ANKRD18A: variants seen among roughly 807,000 people sequenced by gnomAD.
ANKRD18A encodes ankyrin repeat domain 18A, also known as ankyrin repeat domain-containing protein 18A.
A neutral mutation model predicts 110.6 loss-of-function variants in ANKRD18A; 72 were observed. The ratio of observed to expected loss-of-function variants is 0.65; its 90% CI spans 0.54 to 0.79. The LOEUF is 0.79. Ranked by LOEUF, ANKRD18A falls within the 30% of genes least tolerant of loss-of-function variation. The pLI, the probability that ANKRD18A is intolerant of heterozygous loss-of-function variation, is 0.00. For synonymous variants in ANKRD18A, 305 were observed against 410.3 expected (o/e 0.74, Z 3.10); for missense variants, 934 against 1,163.3 (o/e 0.80, Z 2.87).
intron 8 of ANKRD18A, among the ~76,000 whole-genome samples, chr9:38,597,478 G>A (rs1824937368): frequency 6.6e-6 from 1 of 152,018 alleles, no homozygotes. Flanking sequence ...ACACAGTATA[G>A]CTGTCCACTC....
intron 5 of ANKRD18A, among the ~76,000 whole-genome samples, chr9:38,609,346 T>G (rs1825495754): frequency 6.6e-6 from 1 of 152,074 alleles, no homozygotes; most frequent in African/African-American, 2.4e-5. Context: ...CCAGGGATGG[T>G]GGCGGGCGCC....
chr9:38,616,248 T>C (rs927188542), intron 1 of ANKRD18A, among the ~76,000 whole-genome samples: 1 of 152,244 alleles, frequency 6.6e-6, no homozygotes, highest in Admixed American at 6.5e-5. Flanking sequence ...ATGAGCTTGG[T>C]GTTTGGATTC....
intron 7 of ANKRD18A, among the ~76,000 whole-genome samples, chr9:38,602,126 T>A (rs2118822068): frequency 6.6e-6 from 1 of 150,550 alleles, no homozygotes; most frequent in African/African-American, 2.4e-5. Context: ...TTTTCTAGTG[T>A]CACTTCACCA....
chr9:38,619,216 T>A (rs577736106), intron 1 of ANKRD18A, among the ~76,000 whole-genome samples: 1 of 152,302 alleles, frequency 6.6e-6, no homozygotes, highest in African/African-American at 2.4e-5. Context: ...TTTTCTCATT[T>A]TGCATGTGTA....
chr9:38,588,567 C>G lies in ANKRD18A; in HGVS notation c.2101G>C (p.Glu701Gln). Residue 701 changes from glutamate to glutamine, a missense_variant, in exon 11 of 16, where the codon GAA becomes CAA. Glu to Gln is a conservative substitution (Grantham distance 29). This residue lies in a region of ANKRD18A where 79 missense variants were observed against 122.8 expected (regional missense o/e 0.64). Transcript: ENST00000399703. Reference protein sequence around the residue: ...DQIRKKNRELEEEATGYKKCL... With the variant: ...DQIRKKNRELQEEATGYKKCL... ...AAACCATACCCAGTTGCCTCTTCTTCTAATTCACGATTTTTCTTTCTTATT... is the reference window on the plus strand; with the variant it reads ...AAACCATACCCAGTTGCCTCTTCTTGTAATTCACGATTTTTCTTTCTTATT... 1 of 1,369,750 alleles carries G rather than the reference C, an allele frequency of 7.3e-7. No homozygotes were observed. Among genetic ancestry groups the G allele is most frequent in the Non-Finnish European group, 9.5e-7 (1 of 1,052,630 alleles). 84.8% of individuals were successfully genotyped at this position (1,369,750 alleles called of 1,614,324 possible). A position where few individuals can be genotyped will look rare whatever the true frequency, so the allele number is the denominator to read the frequency against.
intron 10 of ANKRD18A, among the ~76,000 whole-genome samples, chr9:38,591,949 C>T (rs915402324): frequency 6.6e-6 from 1 of 152,200 alleles, no homozygotes; most frequent in Non-Finnish European, 1.5e-5. Context: ...CTCTGCTGAG[C>T]GCTCGGATTA....
intron 1 of ANKRD18A, 137 bp downstream of exon 1, chr9:38,619,943 A>G: frequency 9.0e-7 from 1 of 1,113,158 alleles, no homozygotes; most frequent in South Asian, 1.6e-5. Context: ...AGCGACGGAA[A>G]GCAGCTGAGG....
chr9:38,619,327 C>T (rs990692438), intron 1 of ANKRD18A, among the ~76,000 whole-genome samples: 1 of 152,066 alleles, frequency 6.6e-6, no homozygotes, highest in African/African-American at 2.4e-5. Context: ...TCATCTTTTC[C>T]TACTCATCTG....
chr9:38,579,216 AG>A (rs1224487630), intron 12 of ANKRD18A, among the ~76,000 whole-genome samples: 1 of 152,210 alleles, frequency 6.6e-6, no homozygotes, highest in Non-Finnish European at 1.5e-5. Flanking sequence ...CTGAAATGTA[AG>A]GCCCCAAATT....
chr9:38,617,542 A>G (rs111758417), intron 1 of ANKRD18A, among the ~76,000 whole-genome samples: 48 of 152,334 alleles, frequency 3.2e-4, no homozygotes, highest in African/African-American at 1.1e-3. Context: ...ACTTAGATTT[A>G]CAGAATATAT....
chr9:38,571,476 A>G lies in ANKRD18A; in HGVS notation c.*569T>C. On this transcript the variant is annotated 3_prime_UTR_variant, in exon 16 of 16. Transcript: ENST00000399703. ...CTTGTTCAAACACAAGTCATCCATG[A>G]AATGCTAAATCTAGTGGGTTTTGAG... 1.6e-6 allele frequency: 1 copy of G among 607,214 alleles called. No individual in the cohort carries two copies. Among genetic ancestry groups the G allele is most frequent in the Non-Finnish European group, 2.2e-6 (1 of 455,356 alleles). 37.6% of individuals were successfully genotyped at this position (607,214 alleles called of 1,614,324 possible).
chr9:38,617,446 A>T (rs1825904633), intron 1 of ANKRD18A, among the ~76,000 whole-genome samples: 2 of 151,922 alleles, frequency 1.3e-5, no homozygotes, highest in Admixed American at 1.3e-4. Context: ...TCGCAAAACG[A>T]AAAAACAAAC....
At chr9:38,594,444 T>C (rs946133377) in intron 9 of ANKRD18A, among the ~76,000 whole-genome samples, 15 of 152,282 alleles carry the variant, frequency 9.9e-5, no homozygotes, top group Admixed American at 9.8e-4. Flanking sequence ...ATCCAAATGA[T>C]AGTCATTGAG....
chr9:38,605,733 C>G (rs1361890959), intron 6 of ANKRD18A, among the ~76,000 whole-genome samples: 5 of 152,108 alleles, frequency 3.3e-5, no homozygotes, highest in Non-Finnish European at 7.3e-5. Context: ...TCTGCCTCAG[C>G]CTCCAGAGTA....
chr9:38,589,994 C>T (rs1340798830), intron 10 of ANKRD18A, among the ~76,000 whole-genome samples: 5 of 152,266 alleles, frequency 3.3e-5, no homozygotes, highest in African/African-American at 9.6e-5. Context: ...ACATTTGCTA[C>T]CTGGTGCAGA....
intron 12 of ANKRD18A, among the ~76,000 whole-genome samples, chr9:38,580,810 T>C (rs1479039744): frequency 2.0e-5 from 3 of 150,360 alleles, no homozygotes; most frequent in Non-Finnish European, 4.4e-5. Flanking sequence ...TCCTAATGAA[T>C]AGAATGCAGT....
chr9:38,596,497 A>C, intron 8 of ANKRD18A, 94 bp from the exon 9 acceptor site: 1 of 1,135,242 alleles, frequency 8.8e-7, no homozygotes, highest in South Asian at 2.6e-5. Flanking sequence ...ACATTCATGC[A>C]ATTAAAAGTT....
chr9:38,568,949 C>T (rs1445768387), downstream of ANKRD18A: 3 of 985,436 alleles, frequency 3.0e-6, no homozygotes, highest in East Asian at 3.4e-4. Flanking sequence ...GTTCGGATGC[C>T]ACGTTCACCC....
chr9:38,611,182 A>T, intron 4 of ANKRD18A, 33 bp downstream of exon 4: 1 of 1,521,914 alleles, frequency 6.6e-7, no homozygotes. Context: ...GGTTTTTAGG[A>T]AAAAAGAAAA....
Sources: gnomAD v4.1 joint callset for allele counts (sites outside exome capture counted in the v4.1 genomes callset) on GRCh38, gnomAD v4.1.1 for gene constraint, gnomAD v4.1.1 regional missense constraint, MANE v1.5 for transcripts, NCBI Gene and HGNC (gene_info 2026-07-23, HGNC 2026-07-21) for gene names.